Variants in CDH5 observed in about 807,000 individuals in gnomAD.
CDH5 encodes cadherin-5.
CDH5 carries 28 observed loss-of-function variants against 62.0 expected under a neutral mutation model. The ratio of observed to expected loss-of-function variants is 0.45; its 90% confidence interval spans 0.33 to 0.62. CDH5 has a LOEUF of 0.62. Among genes scored for constraint, CDH5 ranks in the 20% least tolerant of loss-of-function variants. The pLI is 0.02. For synonymous variants in CDH5, 464 were observed against 445.8 expected (o/e 1.04, Z -0.52); for missense variants, 940 against 1,065.1 (o/e 0.88, Z 1.63).
chr16:66,369,722 A>T lies in CDH5; in HGVS notation c.-20+2964A>T, dbSNP rs531814317. 1.8e-3 allele frequency among the ~76,000 whole-genome samples: 268 copies of T among 152,348 alleles called. 2 individuals carry two copies. Among genetic ancestry groups the T allele is most frequent in the African/African-American group, 6.2e-3 (258 of 41,580 alleles). On this transcript the variant is annotated intron_variant, in intron 1 of 11. Transcript: ENST00000341529. ...AGATGACCCGGAGCCCAGAGATTCC[A>T]GCACAAATTTGTTTCACATCACAAA...
At position 66,396,094 on chromosome 16, in the gene CDH5, T is replaced by C. The variant is rs761257095; in HGVS notation, c.1253T>C (p.Phe418Ser). The change falls in exon 8 of 12, where the codon TTC becomes TCC. Residue 418 changes from phenylalanine (F) to serine (S), a missense_variant. Coordinates refer to ENST00000341529, the MANE Select transcript of CDH5 (RefSeq NM_001795.5). The stretch of plus-strand genomic sequence containing the variant: ...CGCAGGACCAGTGACAAGGGCCAGT[T>C]CTTCCGAGTCACAAAAAAGGGGGAC... Reference protein sequence around the residue: ...SIRRTSDKGQFFRVTKKGDIY... With the variant: ...SIRRTSDKGQSFRVTKKGDIY... 1.2e-6 allele frequency: 2 copies of C among 1,614,088 alleles called. No individual in the cohort carries two copies. The highest frequency in any genetic ancestry group is 1.7e-6 in the Non-Finnish European group (2 of 1,180,024).
At chr16:66,388,109 T>C (rs1479951212) in intron 3 of CDH5, among the ~76,000 whole-genome samples, 5 of 151,544 alleles carry the variant, frequency 3.3e-5, no homozygotes, top group Non-Finnish European at 4.4e-5. Context: ...CCACCTGATC[T>C]CTTTGACCCC....
chr16:66,402,524 G>T (rs1255941710), intron 11 of CDH5, 128 bp from the exon 12 acceptor site: 8 of 748,652 alleles, frequency 1.1e-5, no homozygotes, highest in Middle Eastern at 3.8e-4. Context: ...GGGAAGGGGG[G>T]GCCAAAGGGA....
In CDH5 at chr16:66,402,716, C is replaced by T. The variant is rs1338198449; in HGVS notation, c.1902C>T (p.Ser634=). ...AGCAGGCCCGCGCGCACGGCAAGAG[C>T]GTGCCGGAGATCCACGAGCAGCTGG... ...LRKQARAHGK[S]VPEIHEQLVT... Residue 634 remains serine (S), a synonymous_variant, in exon 12 of 12, where the codon AGC becomes AGT. Transcript: ENST00000341529. 1 of 1,609,680 alleles carries T rather than the reference C, an allele frequency of 6.2e-7. No individual in the cohort carries two copies. Among genetic ancestry groups the T allele is most frequent in the Non-Finnish European group, 8.5e-7 (1 of 1,179,120 alleles).
intron 2 of CDH5, among the ~76,000 whole-genome samples, chr16:66,382,788 C>A (rs563828982): frequency 2.0e-5 from 3 of 152,172 alleles, no homozygotes; most frequent in Non-Finnish European, 4.4e-5. Context: ...CCAAGGATCA[C>A]CTCCGGCTCC....
chr16:66,395,951 TG>T, intron 7 of CDH5, 107 bp from the exon 8 acceptor site: 5 of 1,100,080 alleles, frequency 4.5e-6, no homozygotes, highest in Non-Finnish European at 6.6e-6. Context: ...GAGAGGGGCA[TG>T]GAGTGGGATG....
intron 11 of CDH5, among the ~76,000 whole-genome samples, chr16:66,401,756 C>T (rs531974558): frequency 1.3e-5 from 2 of 152,270 alleles, no homozygotes; most frequent in East Asian, 1.9e-4. Flanking sequence ...TGGGGCCACC[C>T]CCCAGCATCA....
chr16:66,398,589 G>T, intron 10 of CDH5, 28 bp downstream of exon 10: 2 of 1,187,430 alleles, frequency 1.7e-6, no homozygotes, highest in South Asian at 1.2e-5. Flanking sequence ...CAGTTCAGCT[G>T]GGCGTGATGA....
chr16:66,388,991 G>A (rs1216683961), intron 4 of CDH5, among the ~76,000 whole-genome samples: 1 of 152,180 alleles, frequency 6.6e-6, no homozygotes, highest in East Asian at 1.9e-4. Flanking sequence ...GAAGTCCAGT[G>A]GAACTGTCTT....
chr16:66,393,410 G>A (rs1297869253), intron 7 of CDH5, among the ~76,000 whole-genome samples: 1 of 152,308 alleles, frequency 6.6e-6, no homozygotes, highest in East Asian at 1.9e-4. Flanking sequence ...TTCTGGGGAG[G>A]CCTCAGAAAA....
At chr16:66,373,227 G>A (rs1960724036) in intron 1 of CDH5, among the ~76,000 whole-genome samples, 1 of 152,216 alleles carries the variant, frequency 6.6e-6, no homozygotes, top group Admixed American at 6.5e-5. Context: ...CCTGCCGAAA[G>A]GAAACAGGCT....
intron 1 of CDH5, among the ~76,000 whole-genome samples, chr16:66,368,557 G>A (rs1304836443): frequency 2.6e-5 from 4 of 152,174 alleles, no homozygotes; most frequent in Admixed American, 1.3e-4. Context: ...GGACAGAGGG[G>A]ACACCATCCC....
At chr16:66,379,683 A>G in intron 2 of CDH5, 136 bp downstream of exon 2, 2 of 728,042 alleles carry the variant, frequency 2.7e-6, no homozygotes, top group Non-Finnish European at 4.7e-6. Flanking sequence ...ATAAGGGTGA[A>G]GGTGGTAGCA....
chr16:66,385,708 T>TAAACACAGATACCTCAAAC (rs1960971425), intron 2 of CDH5, among the ~76,000 whole-genome samples: 1 of 152,226 alleles, frequency 6.6e-6, no homozygotes, highest in Non-Finnish European at 1.5e-5. Context: ...ATTTCCATCA[T>TAAACACAGATACCTCAAAC]ACAGATACCA....
chr16:66,396,323 C>T, intron 8 of CDH5, 122 bp downstream of exon 8: 1 of 1,211,388 alleles, frequency 8.3e-7, no homozygotes. Flanking sequence ...GAAGCACCCG[C>T]TGGTTGGGAT....
Position 66,389,453 on chromosome 16 carries a change from G to T in CDH5, c.712G>T (p.Asp238Tyr), listed in dbSNP as rs773614809. ...GCGAGATGCCCAGGGCCTCCGGGGG[G>T]ACTCGGGCACGGCCACCGTGCTGGT... ...EARDAQGLRG[D>Y]SGTATVLVTL... is the part of the protein sequence containing the mutation. Residue 238 changes from aspartate to tyrosine, a missense_variant, in exon 5 of 12, where the codon GAC (aspartate) becomes TAC (tyrosine). Transcript: ENST00000341529. 2.5e-6 allele frequency: 4 copies of T among 1,613,252 alleles called. No individual in the cohort carries two copies. The highest frequency in any genetic ancestry group is 1.7e-6 in the Non-Finnish European group (2 of 1,179,586).
chr16:66,371,786 C>T (rs1256018741), intron 1 of CDH5, among the ~76,000 whole-genome samples: 1 of 152,022 alleles, frequency 6.6e-6, no homozygotes, highest in East Asian at 1.9e-4. Flanking sequence ...GGGGCAGGAC[C>T]AGCCCAGGGG....
intron 1 of CDH5, among the ~76,000 whole-genome samples, chr16:66,372,483 G>A (rs1360392089): frequency 2.0e-5 from 3 of 152,220 alleles, no homozygotes; most frequent in Non-Finnish European, 2.9e-5. Flanking sequence ...GAGAGTTAAC[G>A]TCCTGTGGGC....
intron 1 of CDH5, among the ~76,000 whole-genome samples, chr16:66,367,198 C>T (rs1960602942): frequency 6.6e-6 from 1 of 152,224 alleles, no homozygotes; most frequent in Admixed American, 6.5e-5. Flanking sequence ...TCCTCAGCCC[C>T]CTACCCATAC....
Sources: allele counts gnomAD v4.1 joint callset (sites outside exome capture counted in the v4.1 genomes callset), GRCh38; gene constraint gnomAD v4.1.1; transcripts MANE v1.5; gene names NCBI Gene and HGNC (gene_info 2026-07-23, HGNC 2026-07-21).